The following ARMC9 variants were observed in gnomAD, a reference collection of about 807,000 sequenced individuals.
The protein encoded by ARMC9 is armadillo repeat containing 9.
Under a neutral mutation model 107.0 loss-of-function variants are expected in ARMC9, and 94 were observed. The observed-to-expected ratio is 0.88, with a 90% confidence interval of 0.74 to 1.04. The LOEUF is 1.04. Among genes scored for constraint, ARMC9 ranks in the 50% least tolerant of loss-of-function variants. The probability of loss-of-function intolerance (pLI) is 0.00; values close to 1 mark genes in which losing one functional copy is unlikely to be tolerated. For missense variants in ARMC9, 942 were observed against 1,030.1 expected, an observed-to-expected ratio of 0.91 and a Z score of 1.17; for synonymous variants, 380 against 396.9, an observed-to-expected ratio of 0.96 and a Z score of 0.51.
chr2:231,370,321 A>G (rs753403756), intron 24 of ARMC9, among the ~76,000 whole-genome samples, 196 bp downstream of exon 24: 1 of 152,182 alleles, frequency 6.6e-6, no homozygotes, highest in South Asian at 2.1e-4. Context: ...CCGGTTCTGC[A>G]TGAATCTTCC....
intron 17 of ARMC9, among the ~76,000 whole-genome samples, chr2:231,289,264 C>G (rs565931066): frequency 6.6e-6 from 1 of 152,056 alleles, no homozygotes; most frequent in Non-Finnish European, 1.5e-5. Context: ...CCCAGGAGTT[C>G]GAGACCAGCC....
intron 18 of ARMC9, chr2:231,295,140 C>T (rs2041269501): frequency 6.6e-6 from 1 of 152,246 alleles, no homozygotes; most frequent in Non-Finnish European, 1.5e-5. Context: ...TCCTACTTCC[C>T]ATTTGACTTC....
At chr2:231,313,135 G>C (rs1255078031) in intron 19 of ARMC9, among the ~76,000 whole-genome samples, 1 of 151,882 alleles carries the variant, frequency 6.6e-6, no homozygotes, top group Non-Finnish European at 1.5e-5. Flanking sequence ...GTCAGTTTTG[G>C]GTTCATCTAT....
At chr2:231,330,527 G>A (rs2043657608) in intron 19 of ARMC9, among the ~76,000 whole-genome samples, 1 of 152,144 alleles carries the variant, frequency 6.6e-6, no homozygotes. Flanking sequence ...AGAAGTCTGG[G>A]CTCCCACCTG....
At chr2:231,279,012 G>A (rs1234561187) in intron 16 of ARMC9, among the ~76,000 whole-genome samples, 3 of 152,042 alleles carry the variant, frequency 2.0e-5, no homozygotes, top group African/African-American at 7.3e-5. Context: ...TGTACACTTC[G>A]AGTGCCATCC....
At chr2:231,319,083 G>A (rs960459995) in intron 19 of ARMC9, among the ~76,000 whole-genome samples, 4 of 152,128 alleles carry the variant, frequency 2.6e-5, no homozygotes, top group African/African-American at 9.7e-5. Flanking sequence ...GCCTGGGGAA[G>A]GACCTTGGCT....
chr2:231,259,414 G>T (rs13408391), intron 11 of ARMC9, among the ~76,000 whole-genome samples: 40,883 of 152,020 alleles, frequency 0.27, 5,684 homozygotes, highest in African/African-American at 0.31. Context: ...TGGAGTCAGG[G>T]TTACCCACAG....
chr2:231,357,901 G>C (rs953661152), intron 22 of ARMC9, among the ~76,000 whole-genome samples: 2 of 152,102 alleles, frequency 1.3e-5, no homozygotes, highest in African/African-American at 4.8e-5. Context: ...CCTTTTACTT[G>C]ACAAAAAGTT....
chr2:231,222,928 TTAA>T (rs1341180414), intron 6 of ARMC9, 108 bp downstream of exon 6: 9 of 638,852 alleles, frequency 1.4e-5, no homozygotes, highest in Non-Finnish European at 1.9e-5. Flanking sequence ...ATCGGGATAA[TTAA>T]TAGTGTTGCT....
intron 19 of ARMC9, among the ~76,000 whole-genome samples, chr2:231,319,262 G>T (rs139924362): frequency 4.3e-4 from 66 of 152,284 alleles, no homozygotes; most frequent in African/African-American, 1.6e-3. Context: ...AAAGGCGCTG[G>T]GACCAGGTAG....
chr2:231,326,423 G>A (rs1374677248), intron 19 of ARMC9, among the ~76,000 whole-genome samples: 1 of 152,246 alleles, frequency 6.6e-6, no homozygotes, highest in Non-Finnish European at 1.5e-5. Context: ...CTCCTCAGTA[G>A]CCCCTTCCCT....
chr2:231,235,015 A>G (rs950277176), intron 7 of ARMC9, among the ~76,000 whole-genome samples: 1 of 152,260 alleles, frequency 6.6e-6, no homozygotes, highest in Admixed American at 6.5e-5. Flanking sequence ...GAACTTCCTG[A>G]AAAGGAAATT....
chr2:231,313,478 G>C (rs2042471607), intron 19 of ARMC9, among the ~76,000 whole-genome samples: 1 of 151,998 alleles, frequency 6.6e-6, no homozygotes, highest in South Asian at 2.1e-4. Flanking sequence ...GTTTTATTGA[G>C]GATATAATTT....
In ARMC9 at chr2:231,259,081, C is replaced by G. The variant is rs369454946; in HGVS notation, c.1005C>G (p.Phe335Leu). The G allele has an allele frequency of 6.2e-7, 1 of 1,613,842 alleles. No homozygotes were observed. The highest frequency in any genetic ancestry group is 1.3e-5 in the African/African-American group (1 of 74,926). ...LILGSDRLKAFLLQALRWRLT... is the reference protein window; with the variant it reads ...LILGSDRLKALLLQALRWRLT... ...TGGGGAGTGACCGCTTGAAAGCCTT[C>G]TTGTTGCAGGCTCTGCGCTGGGTAG... is the stretch of plus-strand genomic sequence containing the variant. Residue 335 changes from phenylalanine to leucine, a missense_variant, in exon 11 of 25, where the codon TTC (phenylalanine) becomes TTG (leucine). By Grantham distance (22) the Phe-to-Leu change is conservative. Coordinates refer to ENST00000611582, the MANE Select transcript of ARMC9 (RefSeq NM_001352754.2).
intron 11 of ARMC9, among the ~76,000 whole-genome samples, chr2:231,261,095 C>T (rs764376013): frequency 1.3e-5 from 2 of 152,192 alleles, no homozygotes; most frequent in African/African-American, 2.4e-5. Context: ...CTCTTGCCCA[C>T]GCTAAGAACT....
chr2:231,284,937 C>A (rs985458820), intron 17 of ARMC9, among the ~76,000 whole-genome samples: 11 of 152,158 alleles, frequency 7.2e-5, no homozygotes, highest in African/African-American at 2.2e-4. Context: ...CGGTGGCTCA[C>A]GCCTGTAATC....
intron 3 of ARMC9, among the ~76,000 whole-genome samples, chr2:231,213,380 T>G (rs942563447): frequency 2.0e-5 from 3 of 151,982 alleles, no homozygotes; most frequent in African/African-American, 7.3e-5. Flanking sequence ...TCCAGGCTCG[T>G]CTTGAGCTCC....
At chr2:231,235,081 T>C (rs887834658) in intron 7 of ARMC9, 143 bp from the exon 8 acceptor site, 53 of 870,988 alleles carry the variant, frequency 6.1e-5, no homozygotes, top group Non-Finnish European at 7.9e-5. Context: ...AAAATAGAAG[T>C]AAGTGTGAAA....
At chr2:231,340,900 A>G (rs1042094966) in intron 20 of ARMC9, among the ~76,000 whole-genome samples, 4 of 151,558 alleles carry the variant, frequency 2.6e-5, no homozygotes, top group African/African-American at 4.9e-5. Context: ...ACAAACAAAC[A>G]AACAAACAAA....
Sources: gnomAD v4.1 joint callset for allele counts (sites outside exome capture counted in the v4.1 genomes callset) on GRCh38, gnomAD v4.1.1 for gene constraint, MANE v1.5 for transcripts, NCBI Gene and HGNC (gene_info 2026-07-23, HGNC 2026-07-21) for gene names.